The following SDCCAG8 variants were observed in gnomAD, a reference collection of about 807,000 sequenced individuals.
The protein encoded by SDCCAG8 is SHH signaling and ciliogenesis regulator SDCCAG8.
Under a neutral mutation model 101.8 loss-of-function variants are expected in SDCCAG8, and 74 were observed. That is an observed-to-expected ratio of 0.73 (90% CI 0.60 to 0.88). The LOEUF is 0.88. Ranked by LOEUF, SDCCAG8 falls within the 40% of genes least tolerant of loss-of-function variation. SDCCAG8 has a pLI of 0.00. For missense variants in SDCCAG8, 787 were observed against 822.6 expected (o/e 0.96, Z 0.53); for synonymous variants, 281 against 292.9 (o/e 0.96, Z 0.41).
intron 17 of SDCCAG8, among the ~76,000 whole-genome samples, chr1:243,497,267 G>C (rs575748960): frequency 7.2e-6 from 1 of 138,934 alleles, no homozygotes; most frequent in Non-Finnish European, 1.5e-5. Flanking sequence ...TGACCTCCTA[G>C]GACAAATTAT....
At chr1:243,453,885 C>T (rs773780334) in intron 16 of SDCCAG8, among the ~76,000 whole-genome samples, 1 of 152,162 alleles carries the variant, frequency 6.6e-6, no homozygotes, top group Non-Finnish European at 1.5e-5. Flanking sequence ...AACCTGAGAC[C>T]TATATTCTCC....
chr1:243,427,031 A>G (rs1433723147), intron 16 of SDCCAG8, among the ~76,000 whole-genome samples: 1 of 152,214 alleles, frequency 6.6e-6, no homozygotes, highest in African/African-American at 2.4e-5. Flanking sequence ...TGGTGGTGTT[A>G]CTTTGAGCAA....
At position 243,490,345 on chromosome 1, in the gene SDCCAG8, G is replaced by A. The variant is rs1199293904; in HGVS notation, c.2112+1205G>A. ...TGGGGGAGCGGGCCGCTCAAAGTCCGAGCCACAGCCGCACTGCCACAGCTA... is the reference window on the plus strand; with the variant it reads ...TGGGGGAGCGGGCCGCTCAAAGTCCAAGCCACAGCCGCACTGCCACAGCTA... On this transcript the variant is annotated intron_variant, in intron 17 of 17. Transcript: ENST00000366541. Among the ~76,000 whole-genome samples the A allele has an allele frequency of 3.9e-5, 6 of 152,232 alleles. No homozygotes were observed. The South Asian group carries it at 6.2e-4, about 16-fold the overall frequency.
At chr1:243,261,853 T>C (rs1214440282) in intron 1 of SDCCAG8, among the ~76,000 whole-genome samples, 1 of 151,320 alleles carries the variant, frequency 6.6e-6, no homozygotes, top group Non-Finnish European at 1.5e-5. Flanking sequence ...GTGGCTTTTC[T>C]TTTTCTTTTT....
intron 14 of SDCCAG8, 130 bp from the exon 15 acceptor site, chr1:243,417,838 A>T (rs995107330): frequency 4.2e-6 from 3 of 713,786 alleles, no homozygotes; most frequent in Non-Finnish European, 7.7e-6. Context: ...GACTTAGGAC[A>T]TTGAAGGTGA....
chr1:243,322,269 G>C (rs937648345), intron 9 of SDCCAG8, among the ~76,000 whole-genome samples: 1 of 152,188 alleles, frequency 6.6e-6, no homozygotes, highest in Admixed American at 6.5e-5. Context: ...GGCAAGATCA[G>C]GAAGATTGGT....
intron 4 of SDCCAG8, 49 bp from the exon 5 acceptor site, chr1:243,286,223 A>G: frequency 6.3e-7 from 1 of 1,590,484 alleles, no homozygotes; most frequent in Non-Finnish European, 8.6e-7. Flanking sequence ...ATCAACAAAT[A>G]AAAACACTGC....
chr1:243,425,078 G>A (rs2148038693), intron 15 of SDCCAG8, among the ~76,000 whole-genome samples: 1 of 152,184 alleles, frequency 6.6e-6, no homozygotes. Context: ...ACTCCTTTCG[G>A]ACTATTTCAA....
chr1:243,447,980 TC>T (rs2083062043), intron 16 of SDCCAG8, among the ~76,000 whole-genome samples: 1 of 152,192 alleles, frequency 6.6e-6, no homozygotes, highest in South Asian at 2.1e-4. Context: ...TGATCATCTT[TC>T]ACCCTTCCTG....
intron 16 of SDCCAG8, among the ~76,000 whole-genome samples, chr1:243,459,302 G>T (rs1012807117): frequency 3.3e-5 from 5 of 152,184 alleles, no homozygotes; most frequent in African/African-American, 1.2e-4. Context: ...ATTTAAATAG[G>T]TTTGCCTGAC....
intron 12 of SDCCAG8, 141 bp from the exon 13 acceptor site, chr1:243,378,580 G>T (rs1432117727): frequency 4.8e-6 from 4 of 841,628 alleles, no homozygotes; most frequent in Non-Finnish European, 5.7e-6. Context: ...AATTCCTTTT[G>T]TCATAAAATG....
At chr1:243,412,244 A>G (rs1449261383) in intron 13 of SDCCAG8, among the ~76,000 whole-genome samples, 1 of 152,076 alleles carries the variant, frequency 6.6e-6, no homozygotes, top group Non-Finnish European at 1.5e-5. Context: ...TGCTTTTTAT[A>G]ATTTTTTCAA....
intron 16 of SDCCAG8, among the ~76,000 whole-genome samples, chr1:243,429,162 T>C (rs1290107539): frequency 6.6e-6 from 1 of 152,210 alleles, no homozygotes; most frequent in African/African-American, 2.4e-5. Context: ...CAGCCGCCTG[T>C]CATTTCAGAT....
intron 13 of SDCCAG8, among the ~76,000 whole-genome samples, chr1:243,391,812 T>C (rs958189545): frequency 2.0e-5 from 3 of 152,172 alleles, no homozygotes; most frequent in African/African-American, 7.2e-5. Context: ...AGCAAGTCAC[T>C]ATTGGAATGT....
At chr1:243,450,185 T>C (rs1014055781) in intron 16 of SDCCAG8, among the ~76,000 whole-genome samples, 32 of 152,330 alleles carry the variant, frequency 2.1e-4, no homozygotes, top group Non-Finnish European at 3.8e-4. Flanking sequence ...ATGTGAACCA[T>C]GTGTTATCAA....
chr1:243,422,665 A>G (rs568531450), intron 15 of SDCCAG8, among the ~76,000 whole-genome samples: 2 of 152,284 alleles, frequency 1.3e-5, no homozygotes, highest in South Asian at 4.1e-4. Context: ...ATACTATAAA[A>G]ATTATATTTT....
chr1:243,416,167 C>T lies in SDCCAG8; in HGVS notation c.1744+338C>T, dbSNP rs1038346728. Among the ~76,000 whole-genome samples the T allele has an allele frequency of 6.6e-6, 1 of 152,102 alleles. No homozygotes were observed. The highest frequency in any genetic ancestry group is 2.4e-5 in the African/African-American group (1 of 41,416). ...GTTTTTGGCTGGGTTTTCAGGCACACATGTTATATAAAGAAAATAGCATCA... is the reference window on the plus strand; with the variant it reads ...GTTTTTGGCTGGGTTTTCAGGCACATATGTTATATAAAGAAAATAGCATCA... On this transcript the variant is annotated intron_variant, in intron 14 of 17. Coordinates refer to ENST00000366541, the MANE Select transcript of SDCCAG8 (RefSeq NM_006642.5). This position sits in a 1 kb window ranked among gnomAD's most constrained non-coding sequence, Gnocchi z 4.3.
intron 13 of SDCCAG8, among the ~76,000 whole-genome samples, chr1:243,413,729 G>A (rs940477122): frequency 6.6e-6 from 1 of 152,158 alleles, no homozygotes; most frequent in Admixed American, 6.5e-5. Context: ...GGGTTGCAGA[G>A]CCCCAGATTT....
chr1:243,267,367 C>T, intron 1 of SDCCAG8: 1 of 242,960 alleles, frequency 4.1e-6, no homozygotes, highest in Non-Finnish European at 8.2e-6. Flanking sequence ...GAGGCTGAGA[C>T]GGGCGGATTT....
Sources: allele counts gnomAD v4.1 joint callset (sites outside exome capture counted in the v4.1 genomes callset), GRCh38; gene constraint gnomAD v4.1.1; non-coding constraint Gnocchi (gnomAD v3.1); transcripts MANE v1.5; gene names NCBI Gene and HGNC (gene_info 2026-07-23, HGNC 2026-07-21).